Variants in PTPRT observed in about 807,000 individuals in gnomAD.
PTPRT encodes protein tyrosine phosphatase receptor type T.
In PTPRT, 56 loss-of-function variants were observed where a neutral mutation model predicts 176.8. The observed-to-expected ratio is 0.32, with a 90% CI of 0.26 to 0.40. The LOEUF is 0.40. Ranked by LOEUF, PTPRT falls within the 10% of genes least tolerant of loss-of-function variation. The pLI, the probability that PTPRT is intolerant of heterozygous loss-of-function variation, is 1.00. For missense variants in PTPRT, 1,540 were observed against 1,908.2 expected (o/e 0.81, Z 3.60); for synonymous variants, 783 against 739.0 (o/e 1.06, Z -0.96).
intron 6 of PTPRT, among the ~76,000 whole-genome samples, chr20:42,719,736 A>T (rs1487072111): frequency 6.6e-6 from 1 of 152,178 alleles, no homozygotes; most frequent in Non-Finnish European, 1.5e-5. Context: ...CTTTCTCAGG[A>T]TGAGAGAGAT....
Position 42,118,449 on chromosome 20 carries a change from T to C in PTPRT, c.2936A>G (p.Asn979Ser), listed in dbSNP as rs1289236573. ...TGTGACCATGACGATGCTGGCGGAG[T>C]TCTCCTGCCAGATCATTCTCCAAAA... The part of the protein sequence containing the change: ...KDFWRMIWQE[N>S]SASIVMVTNL... Residue 979 changes from asparagine (N) to serine (S), a missense_variant, in exon 21 of 31, where the codon AAC (asparagine) becomes AGC (serine). Asn to Ser is a conservative substitution (Grantham distance 46). This residue lies in a region of PTPRT where 248 missense variants were observed against 356.7 expected (regional missense o/e 0.70). Coordinates refer to ENST00000373187, the MANE Select transcript of PTPRT (RefSeq NM_007050.6). 1.2e-6 allele frequency: 2 copies of C among 1,612,848 alleles called. No individual in the cohort carries two copies. The highest frequency in any genetic ancestry group is 2.2e-5 in the South Asian group (2 of 90,930).
chr20:42,310,319 TG>T (rs1308458272), intron 12 of PTPRT, among the ~76,000 whole-genome samples: 1 of 152,156 alleles, frequency 6.6e-6, no homozygotes, highest in Non-Finnish European at 1.5e-5. Flanking sequence ...TTATGCCATG[TG>T]AAAAATAAAA....
chr20:42,429,495 C>T (rs2059196430), intron 9 of PTPRT, among the ~76,000 whole-genome samples: 1 of 152,060 alleles, frequency 6.6e-6, no homozygotes, highest in Non-Finnish European at 1.5e-5. Context: ...CCTTGGTCTC[C>T]TCCCTCTCTC....
intron 1 of PTPRT, among the ~76,000 whole-genome samples, chr20:42,892,748 G>T (rs1311948590): frequency 1.3e-5 from 2 of 152,196 alleles, no homozygotes; most frequent in Admixed American, 6.5e-5. Context: ...ACCCTGGGGT[G>T]GGGGAAGGGA....
chr20:42,430,159 G>A (rs1176532962), intron 9 of PTPRT, among the ~76,000 whole-genome samples: 1 of 152,146 alleles, frequency 6.6e-6, no homozygotes, highest in African/African-American at 2.4e-5. Context: ...GGTCCCCACG[G>A]TCCACGGTCC....
At chr20:42,562,403 A>T (rs34598473) in intron 7 of PTPRT, among the ~76,000 whole-genome samples, 1 of 152,022 alleles carries the variant, frequency 6.6e-6, no homozygotes, top group African/African-American at 2.4e-5. Context: ...ATAAGTTTTG[A>T]GGTTAATTCA....
chr20:42,097,077 C>T (rs1600498149), intron 27 of PTPRT, among the ~76,000 whole-genome samples: 1 of 152,214 alleles, frequency 6.6e-6, no homozygotes, highest in Admixed American at 6.5e-5. Flanking sequence ...CCTACTGCTT[C>T]ATCATGAGCA....
intron 1 of PTPRT, among the ~76,000 whole-genome samples, chr20:42,914,153 T>G (rs1488935813): frequency 6.6e-6 from 1 of 152,236 alleles, no homozygotes. Flanking sequence ...AAATTGTCTT[T>G]GCTTTCTCAG....
intron 1 of PTPRT, among the ~76,000 whole-genome samples, chr20:43,068,884 A>G (rs1200109808): frequency 6.6e-6 from 1 of 152,178 alleles, no homozygotes; most frequent in Admixed American, 6.5e-5. Context: ...GGAGGAGGAG[A>G]CAGAGGAAGA....
At chr20:42,281,219 GT>G (rs2057134120) in intron 13 of PTPRT, among the ~76,000 whole-genome samples, 1 of 152,084 alleles carries the variant, frequency 6.6e-6, no homozygotes, top group Non-Finnish European at 1.5e-5. Flanking sequence ...TGTCACTTTT[GT>G]TTGCAGGCCA....
chr20:42,615,442 GTA>G (rs2074056301), intron 7 of PTPRT, among the ~76,000 whole-genome samples: 1 of 138,384 alleles, frequency 7.2e-6, no homozygotes, highest in Admixed American at 6.9e-5. Context: ...AGTCATTTGG[GTA>G]TATACCCAGT....
chr20:42,139,550 G>T (rs764142319), intron 18 of PTPRT, among the ~76,000 whole-genome samples: 1 of 152,226 alleles, frequency 6.6e-6, no homozygotes, highest in Non-Finnish European at 1.5e-5. Flanking sequence ...GAACGGTGAA[G>T]AAGCTGGGGT....
chr20:42,513,751 T>A (rs914306286), intron 7 of PTPRT, among the ~76,000 whole-genome samples: 2 of 152,186 alleles, frequency 1.3e-5, no homozygotes, highest in African/African-American at 4.8e-5. Context: ...TTCTAATTCA[T>A]ACATTTCTTT....
intron 2 of PTPRT, among the ~76,000 whole-genome samples, chr20:42,855,440 TTTTTTTTTTTTG>T (rs1311229505): frequency 7.2e-6 from 1 of 138,318 alleles, no homozygotes; most frequent in Admixed American, 7.1e-5. Context: ...TTTTTTTTTT[TTTTTTTTTTTTG>T]GAGACAGAGT....
chr20:42,637,152 TAATAA>T (rs1394561167), intron 7 of PTPRT, among the ~76,000 whole-genome samples: 1 of 152,136 alleles, frequency 6.6e-6, no homozygotes, highest in Non-Finnish European at 1.5e-5. Flanking sequence ...AGTGAGGACC[TAATAA>T]TTTGCATTTT....
intron 7 of PTPRT, among the ~76,000 whole-genome samples, chr20:42,529,294 C>T (rs772921066): frequency 6.6e-6 from 1 of 151,942 alleles, no homozygotes; most frequent in Non-Finnish European, 1.5e-5. Flanking sequence ...TTTAAAAGTC[C>T]CAGTGAATAG....
intron 7 of PTPRT, among the ~76,000 whole-genome samples, chr20:42,582,572 A>T (rs1039890958): frequency 2.0e-5 from 3 of 152,168 alleles, no homozygotes; most frequent in South Asian, 2.1e-4. Flanking sequence ...AGAGGGAGGG[A>T]CATCTTTTTG....
In PTPRT at chr20:42,161,432, C is replaced by G. The variant is rs61753667; in HGVS notation, c.2602G>C (p.Ala868Pro). 1.2e-6 allele frequency: 2 copies of G among 1,613,960 alleles called. No individual in the cohort carries two copies. Among genetic ancestry groups the G allele is most frequent in the African/African-American group, 1.3e-5 (1 of 74,874 alleles). Residue 868 changes from alanine (A) to proline (P), a missense_variant, in exon 17 of 31, where the codon GCC becomes CCC. Physicochemically the swap from Ala to Pro is conservative, Grantham distance 27. Transcript: ENST00000373187. Reference protein sequence around the residue: ...MSYPRDQFQPAIRVADLLQHI... With the variant: ...MSYPRDQFQPPIRVADLLQHI... ...TGCAGCAAGTCAGCCACCCGGATGG[C>G]GGGTTGGAACTGGTCCCGGGGGTAG... is the stretch of plus-strand genomic sequence containing the variant.
intron 12 of PTPRT, among the ~76,000 whole-genome samples, chr20:42,294,343 T>C (rs948939160): frequency 2.0e-5 from 3 of 151,966 alleles, no homozygotes; most frequent in Non-Finnish European, 1.5e-5. Flanking sequence ...ATAGGTTCAA[T>C]GGGTGAAAAT....
Sources: allele counts gnomAD v4.1 joint callset (sites outside exome capture counted in the v4.1 genomes callset), GRCh38; gene constraint gnomAD v4.1.1; regional missense constraint gnomAD v4.1.1; transcripts MANE v1.5; gene names NCBI Gene and HGNC (gene_info 2026-07-23, HGNC 2026-07-21).